Variants in SLC6A11 observed in about 807,000 individuals in gnomAD.
The protein encoded by SLC6A11 is solute carrier family 6 member 11.
Under a neutral mutation model 74.8 loss-of-function variants are expected in SLC6A11, and 25 were observed. That is an observed-to-expected ratio of 0.33 (90% confidence interval 0.24 to 0.47). The LOEUF is 0.47. Ranked by LOEUF, SLC6A11 falls within the 20% of genes least tolerant of loss-of-function variation. The pLI is 1.00. For synonymous variants in SLC6A11, 330 were observed against 330.2 expected (o/e 1.00, Z 0.01); for missense variants, 574 against 837.0 (o/e 0.69, Z 3.88).
chr3:10,849,570 C>T (rs762214283), intron 5 of SLC6A11, among the ~76,000 whole-genome samples: 2 of 152,230 alleles, frequency 1.3e-5, no homozygotes, highest in Non-Finnish European at 2.9e-5. Flanking sequence ...ATTGAACCTT[C>T]ATTAGCTCCC....
At chr3:10,883,163 C>T (rs1410527213) in intron 6 of SLC6A11, among the ~76,000 whole-genome samples, 1 of 152,172 alleles carries the variant, frequency 6.6e-6, no homozygotes, top group Non-Finnish European at 1.5e-5. Flanking sequence ...CAGCTTGCCG[C>T]TTTTGTCCCC....
chr3:10,835,852 CCCTT>C (rs768905503), intron 4 of SLC6A11, among the ~76,000 whole-genome samples: 14 of 152,190 alleles, frequency 9.2e-5, no homozygotes, highest in African/African-American at 1.2e-4. Flanking sequence ...GAGGGGGGAG[CCCTT>C]CCTTCTTAAC....
At chr3:10,929,540 C>T (rs1440752744) in intron 10 of SLC6A11, among the ~76,000 whole-genome samples, 1 of 152,170 alleles carries the variant, frequency 6.6e-6, no homozygotes, top group African/African-American at 2.4e-5. Flanking sequence ...TGTGCAAGTG[C>T]TCAGCTAAAG....
chr3:10,856,441 T>C (rs1449730947), intron 5 of SLC6A11, among the ~76,000 whole-genome samples: 1 of 152,232 alleles, frequency 6.6e-6, no homozygotes, highest in Non-Finnish European at 1.5e-5. Context: ...CCCTCCACTT[T>C]CATGATTTAA....
chr3:10,837,638 G>A (rs1430124132), intron 4 of SLC6A11, among the ~76,000 whole-genome samples: 1 of 152,210 alleles, frequency 6.6e-6, no homozygotes, highest in Non-Finnish European at 1.5e-5. Flanking sequence ...AGAAATGCAA[G>A]CTGTAACGGT....
At chr3:10,925,332 T>A (rs1176363089) in intron 8 of SLC6A11, among the ~76,000 whole-genome samples, 1 of 152,240 alleles carries the variant, frequency 6.6e-6, no homozygotes, top group Non-Finnish European at 1.5e-5. Context: ...AGGACTTTAT[T>A]ATCCCCATAT....
intron 6 of SLC6A11, among the ~76,000 whole-genome samples, chr3:10,909,498 C>A (rs1321714357): frequency 6.6e-6 from 1 of 152,136 alleles, no homozygotes; most frequent in Non-Finnish European, 1.5e-5. Flanking sequence ...GGGGGAGGGT[C>A]CACTCCACTG....
chr3:10,829,286 T>A (rs1222758694), intron 4 of SLC6A11, among the ~76,000 whole-genome samples: 1 of 152,210 alleles, frequency 6.6e-6, no homozygotes, highest in African/African-American at 2.4e-5. Context: ...GGGTCATAAG[T>A]GGGGTGCCTG....
intron 4 of SLC6A11, among the ~76,000 whole-genome samples, chr3:10,830,211 T>C (rs1261349076): frequency 1.3e-5 from 2 of 152,078 alleles, no homozygotes; most frequent in African/African-American, 4.8e-5. Flanking sequence ...GAAGGATAAA[T>C]AGAAGTTCAT....
Position 10,839,409 on chromosome 3 carries a change from C to T in SLC6A11, c.624-4805C>T, listed in dbSNP as rs1575671516. Among the ~76,000 whole-genome samples the T allele has an allele frequency of 2.0e-5, 3 of 152,218 alleles. 1 individual carries two copies. Among genetic ancestry groups the T allele is most frequent in the Non-Finnish European group, 2.9e-5 (2 of 68,034 alleles). On this transcript the variant is annotated intron_variant, in intron 4 of 13. Transcript: ENST00000254488. ...CTGGTCCCAAGTCCTGCAGGCATTG[C>T]CCTGTCTCACTAGGCTGGCCTGCAG...
chr3:10,849,006 A>G (rs1026106073), intron 5 of SLC6A11, among the ~76,000 whole-genome samples: 5 of 152,228 alleles, frequency 3.3e-5, no homozygotes, highest in African/African-American at 1.2e-4. Context: ...GTTACTGTGC[A>G]GATTGAACAC....
chr3:10,887,253 T>C (rs1695055281), intron 6 of SLC6A11, among the ~76,000 whole-genome samples: 1 of 151,054 alleles, frequency 6.6e-6, no homozygotes. Context: ...GGATGGATGA[T>C]GAATGGATGG....
chr3:10,819,136 T>C (rs1350778407), intron 1 of SLC6A11, among the ~76,000 whole-genome samples: 1 of 152,224 alleles, frequency 6.6e-6, no homozygotes, highest in Non-Finnish European at 1.5e-5. Flanking sequence ...CGCTGGAGGA[T>C]GAAATGTAAA....
At chr3:10,829,795 G>A (rs963357770) in intron 4 of SLC6A11, among the ~76,000 whole-genome samples, 1 of 152,202 alleles carries the variant, frequency 6.6e-6, no homozygotes, top group African/African-American at 2.4e-5. Flanking sequence ...TTACACAGGA[G>A]ACTTTATCCA....
chr3:10,852,016 C>T (rs1694582349), intron 5 of SLC6A11, among the ~76,000 whole-genome samples: 1 of 152,200 alleles, frequency 6.6e-6, no homozygotes, highest in Non-Finnish European at 1.5e-5. Flanking sequence ...TGTTTAATGG[C>T]TCAATGAGGC....
intron 6 of SLC6A11, among the ~76,000 whole-genome samples, chr3:10,879,502 GA>G (rs1176677086): frequency 7.2e-5 from 11 of 152,152 alleles, no homozygotes; most frequent in Non-Finnish European, 1.5e-5. Context: ...ATATGACCTT[GA>G]GGAAGGCTCC....
chr3:10,857,088 C>T (rs182683302), intron 5 of SLC6A11, among the ~76,000 whole-genome samples: 5 of 152,304 alleles, frequency 3.3e-5, no homozygotes, highest in African/African-American at 1.2e-4. Context: ...ATTCATTCAC[C>T]TGAAGATAAT....
chr3:10,930,392 G>A (rs1695670362), intron 10 of SLC6A11, among the ~76,000 whole-genome samples: 1 of 152,198 alleles, frequency 6.6e-6, no homozygotes, highest in Non-Finnish European at 1.5e-5. Context: ...CATGCCCTCA[G>A]AGCCAATTCA....
intron 6 of SLC6A11, among the ~76,000 whole-genome samples, chr3:10,906,454 T>C (rs949772078): frequency 1.3e-5 from 2 of 152,006 alleles, no homozygotes; most frequent in Admixed American, 6.6e-5. Context: ...AAGATGAACA[T>C]AAAGGCAAAG....
Sources: gnomAD v4.1 joint callset for allele counts (sites outside exome capture counted in the v4.1 genomes callset) on GRCh38, gnomAD v4.1.1 for gene constraint, MANE v1.5 for transcripts, NCBI Gene and HGNC (gene_info 2026-07-23, HGNC 2026-07-21) for gene names.